KCTD20: variants seen among roughly 807,000 people sequenced by gnomAD.
KCTD20 encodes the protein BTB/POZ domain-containing protein KCTD20.
KCTD20 carries 30 observed loss-of-function variants against 39.6 expected under a neutral mutation model. That is an observed-to-expected ratio of 0.76 (90% CI 0.57 to 1.03). The LOEUF (loss-of-function observed/expected upper bound fraction) is 1.03, where lower values mean the gene tolerates loss of function less well. Among genes scored for constraint, KCTD20 ranks in the 50% least tolerant of loss-of-function variants. The pLI is 0.00. For synonymous variants in KCTD20, 162 were observed against 180.6 expected (o/e 0.90, Z 0.83); for missense variants, 422 against 522.0 (o/e 0.81, Z 1.87).
intron 1 of KCTD20, among the ~76,000 whole-genome samples, chr6:36,462,415 C>G (rs1775626915): frequency 1.3e-5 from 2 of 152,164 alleles, no homozygotes; most frequent in Admixed American, 6.5e-5. Flanking sequence ...AGCTTCTCAT[C>G]TATGAAATGA....
At chr6:36,472,772 C>T (rs1391768134) in intron 2 of KCTD20, among the ~76,000 whole-genome samples, 2 of 151,902 alleles carry the variant, frequency 1.3e-5, no homozygotes, top group African/African-American at 4.8e-5. Context: ...GAGGAGACTG[C>T]CTATTTAAAA....
rs886284187 is a variant in KCTD20 at position 36,490,888 on chromosome 6, C to T, written c.*3713C>T. 3.3e-5 allele frequency: 5 copies of T among 152,188 alleles called. No individual in the cohort carries two copies. Among genetic ancestry groups the T allele is most frequent in the African/African-American group, 1.2e-4 (5 of 41,440 alleles). The allele number at this position is 152,188 out of a possible 1,614,324, so 9.4% of individuals were successfully genotyped here. On this transcript the variant is annotated 3_prime_UTR_variant, in exon 8 of 8. Coordinates refer to ENST00000373731, the MANE Select transcript of KCTD20 (RefSeq NM_173562.5). ...TGTATTCAGTGCCACTTCTTGCCAT[C>T]ACTTTGCAATTATTGAAATGGGAAT...
At chr6:36,449,842 A>C (rs1381461003) in intron 1 of KCTD20, among the ~76,000 whole-genome samples, 1 of 152,154 alleles carries the variant, frequency 6.6e-6, no homozygotes. Flanking sequence ...AGGGAGACAC[A>C]GTTCAGCCCC....
chr6:36,452,635 C>T (rs571385597), intron 1 of KCTD20: 10 of 151,472 alleles, frequency 6.6e-5, no homozygotes, highest in South Asian at 4.2e-4. Flanking sequence ...CTCCGCTTCC[C>T]GAAGCGATTC....
At chr6:36,458,056 C>T (rs1403452269) in intron 1 of KCTD20, among the ~76,000 whole-genome samples, 2 of 151,944 alleles carry the variant, frequency 1.3e-5, no homozygotes, top group Admixed American at 1.3e-4. Context: ...TTAAAAAAAT[C>T]TAGCCTTCTT....
At chr6:36,450,532 T>G (rs375692702) in intron 1 of KCTD20, among the ~76,000 whole-genome samples, 1 of 151,902 alleles carries the variant, frequency 6.6e-6, no homozygotes, top group South Asian at 2.1e-4. Flanking sequence ...ATCTGAATGC[T>G]CGTTTCCTTC....
intron 1 of KCTD20, among the ~76,000 whole-genome samples, chr6:36,468,362 G>A (rs1012016037): frequency 5.3e-5 from 8 of 152,188 alleles, no homozygotes; most frequent in Admixed American, 2.6e-4. Flanking sequence ...GGCTTATACA[G>A]TCTAGTCCAT....
chr6:36,481,730 C>A lies in KCTD20; in HGVS notation c.827C>A (p.Pro276His). ...TCTGTGGACTGGGATGAAGACCACC[C>A]TCCACCAATGGGGGAGGAATATTCC... ...EDSVDWDEDH[P>H]PPMGEEYSQI... Residue 276 changes from proline (P) to histidine (H), a missense_variant, in exon 6 of 8, where the codon CCT becomes CAT. Physicochemically the swap from Pro to His is moderately conservative, Grantham distance 77. Coordinates refer to ENST00000373731, the MANE Select transcript of KCTD20 (RefSeq NM_173562.5). The A allele has an allele frequency of 1.2e-6, 2 of 1,614,196 alleles. No individual in the cohort carries two copies. Among genetic ancestry groups the A allele is most frequent in the Non-Finnish European group, 1.7e-6 (2 of 1,180,034 alleles).
At chr6:36,468,487 A>G (rs1775824586) in intron 1 of KCTD20, among the ~76,000 whole-genome samples, 1 of 152,234 alleles carries the variant, frequency 6.6e-6, no homozygotes, top group Non-Finnish European at 1.5e-5. Context: ...GAGGAGCTGT[A>G]AATAGATTGG....
chr6:36,465,228 A>G (rs1649809095), intron 1 of KCTD20, among the ~76,000 whole-genome samples: 2 of 150,764 alleles, frequency 1.3e-5, no homozygotes, highest in South Asian at 4.2e-4. Flanking sequence ...CCCGGGAGGC[A>G]GAGGTTGCAG....
intron 3 of KCTD20, among the ~76,000 whole-genome samples, chr6:36,475,953 T>A (rs947446678): frequency 2.6e-5 from 4 of 152,224 alleles, no homozygotes; most frequent in African/African-American, 9.7e-5. Context: ...AGTTGTTTTG[T>A]TGTTTGTTTC....
chr6:36,481,758 A>G lies in KCTD20; in HGVS notation c.855A>G (p.Gln285=), dbSNP rs752531651. The G allele has an allele frequency of 6.2e-7, 1 of 1,613,954 alleles. No individual in the cohort carries two copies. Among genetic ancestry groups the G allele is most frequent in the Non-Finnish European group, 8.5e-7 (1 of 1,179,838 alleles). The change falls in exon 6 of 8, where the codon CAA becomes CAG. Residue 285 remains glutamine, a splice_region_variant and synonymous_variant. Transcript: ENST00000373731. ...HPPPMGEEYS[Q]ILYSSKLYRF... ...CACCAATGGGGGAGGAATATTCCCA[A>G]AGTAGGAGCTTCTGGCATGGCGTAG...
intron 2 of KCTD20, among the ~76,000 whole-genome samples, chr6:36,470,747 G>T (rs1201298366): frequency 6.6e-6 from 1 of 152,094 alleles, no homozygotes; most frequent in Non-Finnish European, 1.5e-5. Context: ...ACCACAGGTG[G>T]GTACCACCAC....
intron 1 of KCTD20, among the ~76,000 whole-genome samples, chr6:36,452,151 T>C (rs1401498240): frequency 6.6e-6 from 1 of 152,020 alleles, no homozygotes; most frequent in African/African-American, 2.4e-5. Context: ...GATTTTTGAA[T>C]GTTAAACCAA....
At chr6:36,474,261 TC>T (rs1693504274) in intron 2 of KCTD20, among the ~76,000 whole-genome samples, 1 of 130,048 alleles carries the variant, frequency 7.7e-6, no homozygotes, top group Non-Finnish European at 1.5e-5. Context: ...AGTGTAATAT[TC>T]CCCTTCCTAA....
intron 6 of KCTD20, 149 bp downstream of exon 6, chr6:36,481,908 A>G: frequency 1.5e-6 from 1 of 683,166 alleles, no homozygotes; most frequent in Non-Finnish European, 2.6e-6. Context: ...ACGCAGGTCT[A>G]GCCTTTATGC....
At chr6:36,479,321 T>G in intron 4 of KCTD20, 98 bp downstream of exon 4, 1 of 899,484 alleles carries the variant, frequency 1.1e-6, no homozygotes, top group South Asian at 1.7e-5. Context: ...CTTTAGGGTC[T>G]CTGGTTTCCA....
chr6:36,446,859 G>A (rs1007602908), intron 1 of KCTD20, among the ~76,000 whole-genome samples: 2 of 152,146 alleles, frequency 1.3e-5, no homozygotes, highest in Admixed American at 6.5e-5. Flanking sequence ...GAAAGTAGTA[G>A]AAATAAAAAT....
At chr6:36,471,379 A>G (rs1775906602) in intron 2 of KCTD20, among the ~76,000 whole-genome samples, 1 of 152,204 alleles carries the variant, frequency 6.6e-6, no homozygotes. Context: ...TTTTGTAAAT[A>G]AAATTTTAAT....
Sources: gnomAD v4.1 joint callset for allele counts (sites outside exome capture counted in the v4.1 genomes callset) on GRCh38, gnomAD v4.1.1 for gene constraint, MANE v1.5 for transcripts, NCBI Gene and HGNC (gene_info 2026-07-23, HGNC 2026-07-21) for gene names.